RAC2: variants seen among roughly 807,000 people sequenced by gnomAD.
RAC2 encodes ras-related C3 botulinum toxin substrate 2.
RAC2 carries 1 observed loss-of-function variant against 24.0 expected under a neutral mutation model. The ratio of observed to expected loss-of-function variants is 0.04; its 90% CI spans 0.01 to 0.20. The LOEUF is 0.20. Among genes scored for constraint, RAC2 ranks in the 10% least tolerant of loss-of-function variants. RAC2 has a pLI of 1.00. For synonymous variants in RAC2, 114 were observed against 106.8 expected, an observed-to-expected ratio of 1.07 and a Z score of -0.41; for missense variants, 130 against 259.1, an observed-to-expected ratio of 0.50 and a Z score of 3.42.
rs1428929098 is a variant in RAC2, at chr22:37,231,073, G to C, written c.448+158C>G. Among the ~76,000 whole-genome samples the C allele has an allele frequency of 1.3e-5, 2 of 152,192 alleles. No individual in the cohort carries two copies. The highest frequency in any genetic ancestry group is 2.9e-5 in the Non-Finnish European group (2 of 68,042). On this transcript the variant is annotated intron_variant, in intron 5 of 6. Transcript: ENST00000249071. This position sits in a 1 kb window ranked among gnomAD's most constrained non-coding sequence, Gnocchi z 5.5. The stretch of plus-strand genomic sequence containing the variant: ...TGATAAGGAAACACAGGCAGAGAGA[G>C]GCTACGTGACTCGCCCAAGGTCACA...
At position 37,244,200 on chromosome 22, in the gene RAC2, T is replaced by C; in HGVS notation, c.-52A>G. On this transcript the variant is annotated 5_prime_UTR_variant, in exon 1 of 7. Coordinates refer to ENST00000249071, the MANE Select transcript of RAC2 (RefSeq NM_002872.5). ...TGGTGACAGCTCAGGGCCAGGCGCG[T>C]TTCTGCGGGCGCAAGGGGTGTGGAG... 6.2e-7 allele frequency: 1 copy of C among 1,607,124 alleles called. No homozygotes were observed. The highest frequency in any genetic ancestry group is 8.5e-7 in the Non-Finnish European group (1 of 1,176,696).
intron 6 of RAC2, 68 bp downstream of exon 6, chr22:37,226,603 C>A: frequency 1.3e-6 from 2 of 1,587,842 alleles, no homozygotes; most frequent in Admixed American, 3.5e-5. Context: ...TCACAGTGAA[C>A]CAAAGGCCAC....
chr22:37,230,574 A>G (rs905758277), intron 5 of RAC2, among the ~76,000 whole-genome samples: 8 of 152,036 alleles, frequency 5.3e-5, no homozygotes, highest in Non-Finnish European at 4.4e-5. Flanking sequence ...GTGAGCCAAT[A>G]ATTTGCTGTC....
At chr22:37,241,470 C>A in intron 2 of RAC2, 117 bp downstream of exon 2, 1 of 1,118,564 alleles carries the variant, frequency 8.9e-7, no homozygotes. Flanking sequence ...CTCCACTGGG[C>A]TGGAGGCTGT....
At chr22:37,232,471 C>T in intron 3 of RAC2, 1 of 451,904 alleles carries the variant, frequency 2.2e-6, no homozygotes, top group South Asian at 2.1e-5. Context: ...TCCCCTCCCC[C>T]AGCACTCCCA....
rs920511438 is a variant in RAC2, at chr22:37,231,765, T to C, written c.288+167A>G. On this transcript the variant is annotated intron_variant, in intron 4 of 6. Coordinates refer to ENST00000249071, the MANE Select transcript of RAC2 (RefSeq NM_002872.5). This position sits in a 1 kb window ranked among gnomAD's most constrained non-coding sequence, Gnocchi z 5.5. ...GCAGCACCCCCCACCCCAGGTCCTCTGAATCTTACCCCCTCAAGTCCCTCT... is the reference window on the plus strand; with the variant it reads ...GCAGCACCCCCCACCCCAGGTCCTCCGAATCTTACCCCCTCAAGTCCCTCT... Among the ~76,000 whole-genome samples, 5 of 151,920 alleles carry C rather than the reference T, an allele frequency of 3.3e-5. No homozygotes were observed. Among genetic ancestry groups the C allele is most frequent in the African/African-American group, 1.2e-4 (5 of 41,346 alleles).
chr22:37,231,603 T>C lies in RAC2; in HGVS notation c.289-213A>G. The C allele has an allele frequency of 1.6e-6, 1 of 607,604 alleles. No individual in the cohort carries two copies. The highest frequency in any genetic ancestry group is 2.0e-5 in the South Asian group (1 of 50,958). 37.6% of individuals were successfully genotyped at this position (607,604 alleles called of 1,614,324 possible). On this transcript the variant is annotated intron_variant, in intron 4 of 6. Transcript: ENST00000249071. This position sits in a 1 kb window ranked among gnomAD's most constrained non-coding sequence, Gnocchi z 5.5. ...GTGCAGGAAGGAGGGGGCGCATGAT[T>C]GTAGGAAAGGAGGAGGCGAGGTTTT... is the stretch of plus-strand genomic sequence containing the variant.
At chr22:37,236,168 G>A (rs1438837258) in intron 2 of RAC2, among the ~76,000 whole-genome samples, 1 of 152,150 alleles carries the variant, frequency 6.6e-6, no homozygotes, top group East Asian at 1.9e-4. Context: ...GAGCCATTAG[G>A]AGAATCCAAA....
chr22:37,226,897 C>T (rs1926858158), intron 5 of RAC2, 94 bp from the exon 6 acceptor site: 1 of 1,496,512 alleles, frequency 6.7e-7, no homozygotes, highest in African/African-American at 1.4e-5. Context: ...CCTTCCACGC[C>T]ATACACCCCT....
intron 1 of RAC2, among the ~76,000 whole-genome samples, chr22:37,242,678 T>C (rs1354515391): frequency 1.3e-5 from 2 of 152,096 alleles, no homozygotes; most frequent in Non-Finnish European, 2.9e-5. Flanking sequence ...CGCCCGCCCC[T>C]CCTCCGATCA....
intron 6 of RAC2, among the ~76,000 whole-genome samples, 184 bp from the exon 7 acceptor site, chr22:37,226,223 A>T (rs1045675204): frequency 5.9e-5 from 9 of 151,786 alleles, no homozygotes; most frequent in Non-Finnish European, 1.3e-4. Context: ...CCACACCTCC[A>T]GGAGGCCTTG....
intron 2 of RAC2, among the ~76,000 whole-genome samples, chr22:37,237,317 C>G (rs920714877): frequency 1.3e-5 from 2 of 151,772 alleles, no homozygotes; most frequent in Non-Finnish European, 2.9e-5. Context: ...GGCACATCAG[C>G]CAGGAGGGGA....
intron 2 of RAC2, among the ~76,000 whole-genome samples, chr22:37,237,924 G>A (rs1927283767): frequency 6.6e-6 from 1 of 151,962 alleles, no homozygotes; most frequent in South Asian, 2.1e-4. Context: ...GGGATGGAGA[G>A]GGCAGGTTGG....
At chr22:37,233,827 G>A (rs566621126) in intron 2 of RAC2, among the ~76,000 whole-genome samples, 9 of 151,868 alleles carry the variant, frequency 5.9e-5, no homozygotes, top group East Asian at 3.9e-4. Flanking sequence ...AGAACGGACC[G>A]TGCTCAGGGC....
chr22:37,237,299 G>A (rs1174840554), intron 2 of RAC2, among the ~76,000 whole-genome samples: 1 of 152,078 alleles, frequency 6.6e-6, no homozygotes, highest in South Asian at 2.1e-4. Context: ...GGAACAGAGG[G>A]GGAAACTGGC....
chr22:37,230,189 G>A (rs1261350318), intron 5 of RAC2, among the ~76,000 whole-genome samples: 3 of 151,984 alleles, frequency 2.0e-5, no homozygotes, highest in Non-Finnish European at 4.4e-5. Flanking sequence ...CACAGAAGGA[G>A]GGAGGTGGTG....
intron 5 of RAC2, among the ~76,000 whole-genome samples, chr22:37,228,780 C>G (rs542513970): frequency 2.0e-5 from 3 of 152,280 alleles, no homozygotes; most frequent in South Asian, 2.1e-4. Flanking sequence ...CCACTGAGGC[C>G]AGGTGCTGGG....
rs551352072 is a variant in RAC2, at chr22:37,232,976, T to C, written c.108-58A>G. ...AATCTCAAACCCCAGAACCTGGGAA[T>C]TGTGGTCCAGCTCCATGTCATTCCT... On this transcript the variant is annotated intron_variant, in intron 2 of 6. Transcript: ENST00000249071. The C allele has an allele frequency of 6.8e-6, 9 of 1,323,062 alleles. No homozygotes were observed. In the East Asian group the frequency reaches 1.4e-4, roughly 20 times the overall value. 82.0% of individuals were successfully genotyped at this position (1,323,062 alleles called of 1,614,324 possible).
chr22:37,238,173 G>A (rs1927290113), intron 2 of RAC2, among the ~76,000 whole-genome samples: 1 of 152,118 alleles, frequency 6.6e-6, no homozygotes, highest in Admixed American at 6.5e-5. Context: ...TTTTAAGTGT[G>A]AAGGGAGCCA....
Sources: allele counts gnomAD v4.1 joint callset (sites outside exome capture counted in the v4.1 genomes callset), GRCh38; gene constraint gnomAD v4.1.1; non-coding constraint Gnocchi (gnomAD v3.1); transcripts MANE v1.5; gene names NCBI Gene and HGNC (gene_info 2026-07-23, HGNC 2026-07-21).